Variants in TSC22D2 observed in about 807,000 individuals in gnomAD.
TSC22D2 encodes TSC22 domain family protein 2.
TSC22D2 carries 5 observed loss-of-function variants against 50.1 expected under a neutral mutation model. The observed-to-expected ratio is 0.10, with a 90% confidence interval of 0.05 to 0.21. TSC22D2 has a LOEUF of 0.21. Ranked by LOEUF, TSC22D2 falls within the 10% of genes least tolerant of loss-of-function variation. TSC22D2 has a pLI of 1.00. For missense variants in TSC22D2, 1,003 were observed against 1,015.5 expected (o/e 0.99, Z 0.17); for synonymous variants, 501 against 450.1 (o/e 1.11, Z -1.43).
intron 1 of TSC22D2, among the ~76,000 whole-genome samples, chr3:150,415,759 T>C (rs1007633758): frequency 6.6e-6 from 1 of 152,168 alleles, no homozygotes; most frequent in Non-Finnish European, 1.5e-5. Flanking sequence ...GAGGCTACAG[T>C]GAGCTATATT....
chr3:150,437,883 C>A (rs927374420), intron 1 of TSC22D2, among the ~76,000 whole-genome samples: 6 of 151,540 alleles, frequency 4.0e-5, no homozygotes, highest in African/African-American at 7.3e-5. Context: ...AACAATATAA[C>A]TCAAATGCCT....
Position 150,461,195 on chromosome 3 carries a change from A to G in TSC22D2, c.*2559A>G, listed in dbSNP as rs1190301617. 3 of 152,146 alleles carry G rather than the reference A, an allele frequency of 2.0e-5. No individual in the cohort carries two copies. The East Asian group carries it at 5.8e-4, about 29-fold the overall frequency. The allele number at this position is 152,146 out of a possible 1,614,324, so 9.4% of individuals were successfully genotyped here. ...GGAGAAGATACTCAACTCATGGTCC[A>G]TTGTTCAAAAATGCAGAATTATTGT... On this transcript the variant is annotated 3_prime_UTR_variant, in exon 3 of 3. Transcript: ENST00000688009.
intron 1 of TSC22D2, among the ~76,000 whole-genome samples, chr3:150,431,224 C>CAAAAAAAAAAAAAAAAAAAA (rs71138443): frequency 3.6e-5 from 1 of 27,962 alleles, no homozygotes; most frequent in African/African-American, 1.6e-4. Context: ...GGCTCTGTCT[C>CAAAAAAAAAAAAAAAAAAAA]AAAAAAAAAA....
At chr3:150,449,345 C>T (rs1720972522) in intron 1 of TSC22D2, among the ~76,000 whole-genome samples, 1 of 152,094 alleles carries the variant, frequency 6.6e-6, no homozygotes, top group Admixed American at 6.5e-5. Flanking sequence ...CATTGTTCTT[C>T]AAAATGTAGT....
At chr3:150,440,824 C>G (rs1720690574) in intron 1 of TSC22D2, among the ~76,000 whole-genome samples, 1 of 151,932 alleles carries the variant, frequency 6.6e-6, no homozygotes, top group Non-Finnish European at 1.5e-5. Context: ...AGCTCCACAT[C>G]TTATAACCTT....
At chr3:150,458,166 CTT>C (rs933441222) in intron 2 of TSC22D2, among the ~76,000 whole-genome samples, 1 of 151,590 alleles carries the variant, frequency 6.6e-6, no homozygotes, top group African/African-American at 2.4e-5. Flanking sequence ...TCGTCCCAAA[CTT>C]TGAAAAGAAA....
intron 2 of TSC22D2, among the ~76,000 whole-genome samples, 187 bp downstream of exon 2, chr3:150,457,314 GT>G (rs1721220493): frequency 6.6e-6 from 1 of 152,140 alleles, no homozygotes. Context: ...TACTATTTAA[GT>G]AGATATTTCT....
intron 1 of TSC22D2, among the ~76,000 whole-genome samples, chr3:150,426,109 C>T (rs1367272566): frequency 1.3e-5 from 2 of 152,194 alleles, no homozygotes; most frequent in African/African-American, 4.8e-5. Context: ...ATCAGCTGAA[C>T]CATCTTCAAA....
chr3:150,411,351 C>T, intron 1 of TSC22D2, 43 bp downstream of exon 1: 1 of 1,542,784 alleles, frequency 6.5e-7, no homozygotes, highest in Non-Finnish European at 8.8e-7. Flanking sequence ...AAATGCTTGG[C>T]CAACATTGTA....
In TSC22D2 at chr3:150,411,003, C is replaced by T; in HGVS notation, c.1653C>T (p.Ser551=). ...LSSHTPVSRS[S]SIIQHVGLPL... Reference sequence around the variant, plus strand: ...GCCATACGCCAGTCAGCAGGAGCAGCAGCATAATCCAGCATGTTGGGCTGC... The same window carrying T: ...GCCATACGCCAGTCAGCAGGAGCAGTAGCATAATCCAGCATGTTGGGCTGC... The change falls in exon 1 of 3, where the codon AGC becomes AGT. Residue 551 remains serine, a synonymous_variant. Coordinates refer to ENST00000688009, the MANE Select transcript of TSC22D2 (RefSeq NM_001303264.2). 6.2e-7 allele frequency: 1 copy of T among 1,614,216 alleles called. No homozygotes were observed. The highest frequency in any genetic ancestry group is 2.2e-5 in the East Asian group (1 of 44,882).
chr3:150,411,046 C>T lies in TSC22D2; in HGVS notation c.1696C>T (p.His566Tyr). Residue 566 changes from histidine to tyrosine, a missense_variant, in exon 1 of 3, where the codon CAC becomes TAC. By Grantham distance (83) the His-to-Tyr change is moderately conservative. Coordinates refer to ENST00000688009, the MANE Select transcript of TSC22D2 (RefSeq NM_001303264.2). ...TGGGCTGCCCTTAGCGCCAGGCACACACAGCGCACCAACAAGTCTACCACA... is the reference window on the plus strand; with the variant it reads ...TGGGCTGCCCTTAGCGCCAGGCACATACAGCGCACCAACAAGTCTACCACA... ...HVGLPLAPGT[H>Y]SAPTSLPQSD... is the part of the protein sequence containing the mutation. 1 of 1,614,210 alleles carries T rather than the reference C, an allele frequency of 6.2e-7. No individual in the cohort carries two copies. The highest frequency in any genetic ancestry group is 8.5e-7 in the Non-Finnish European group (1 of 1,180,038).
chr3:150,430,402 A>G (rs1720340698), intron 1 of TSC22D2, among the ~76,000 whole-genome samples: 1 of 152,186 alleles, frequency 6.6e-6, no homozygotes, highest in Admixed American at 6.6e-5. Context: ...GAATTAGGCA[A>G]TGGGGATGAG....
intron 1 of TSC22D2, among the ~76,000 whole-genome samples, chr3:150,445,542 A>T (rs4681207): frequency 6.6e-6 from 1 of 152,014 alleles, no homozygotes; most frequent in Admixed American, 6.6e-5. Context: ...ATTTTTATTC[A>T]TGTTTCACTG....
chr3:150,451,073 T>C (rs1358654986), intron 1 of TSC22D2, among the ~76,000 whole-genome samples: 1 of 152,016 alleles, frequency 6.6e-6, no homozygotes, highest in African/African-American at 2.4e-5. Context: ...GGCAAGGGGG[T>C]GTGAGCATGA....
rs780198396 is a variant in TSC22D2 at position 150,410,945 on chromosome 3, C to T, written c.1595C>T (p.Pro532Leu). 3 of 1,614,076 alleles carry T rather than the reference C, an allele frequency of 1.9e-6. No homozygotes were observed. Among genetic ancestry groups the T allele is most frequent in the African/African-American group, 2.7e-5 (2 of 74,942 alleles). The part of the protein sequence containing the change: ...STTSVTMPNV[P>L]APLAQSQQLS... Reference sequence around the variant, plus strand: ...ACTTCTGTTACTATGCCAAATGTACCCGCGCCTCTGGCCCAGTCGCAACAG... The same window carrying T: ...ACTTCTGTTACTATGCCAAATGTACTCGCGCCTCTGGCCCAGTCGCAACAG... The change falls in exon 1 of 3, where the codon CCC (proline) becomes CTC (leucine). Residue 532 changes from proline to leucine, a missense_variant. Transcript: ENST00000688009.
chr3:150,463,370 A>G lies in TSC22D2; in HGVS notation c.*4734A>G, dbSNP rs1721470108. 1 of 152,218 alleles carries G rather than the reference A, an allele frequency of 6.6e-6. No homozygotes were observed. Among genetic ancestry groups the G allele is most frequent in the Admixed American group, 6.5e-5 (1 of 15,280 alleles). 9.4% of individuals were successfully genotyped at this position (152,218 alleles called of 1,614,324 possible). A position where few individuals can be genotyped will look rare whatever the true frequency, so the allele number is the denominator to read the frequency against. Reference sequence around the variant, plus strand: ...TTTCTAAGTCTCCTGCCTATCCAAAACCAGACCTTTTCTCCCACCTCCTTC... The same window carrying G: ...TTTCTAAGTCTCCTGCCTATCCAAAGCCAGACCTTTTCTCCCACCTCCTTC... On this transcript the variant is annotated 3_prime_UTR_variant, in exon 3 of 3. Transcript: ENST00000688009.
In TSC22D2 at chr3:150,465,280, T is replaced by A. The variant is rs759954932; in HGVS notation, c.*6644T>A. On this transcript the variant is annotated 3_prime_UTR_variant, in exon 3 of 3. Transcript: ENST00000688009. ...GCTATATACCCTGTCCATTTGAAAATGCACATAAGCAAAGAACTTTACAAA... is the reference window on the plus strand; with the variant it reads ...GCTATATACCCTGTCCATTTGAAAAAGCACATAAGCAAAGAACTTTACAAA... The A allele has an allele frequency of 1.3e-5, 2 of 152,150 alleles. No individual in the cohort carries two copies. Among genetic ancestry groups the A allele is most frequent in the African/African-American group, 4.8e-5 (2 of 41,402 alleles). 9.4% of individuals were successfully genotyped at this position (152,150 alleles called of 1,614,324 possible).
chr3:150,439,114 C>G lies in TSC22D2; in HGVS notation c.1959-17962C>G, dbSNP rs1020919967. On this transcript the variant is annotated intron_variant, in intron 1 of 2. Transcript: ENST00000688009. ...TATTTTGCAGATGAAGAAAAGGAGTCTGGATTATTTGTCCAAGGTGATATA... is the reference window on the plus strand; with the variant it reads ...TATTTTGCAGATGAAGAAAAGGAGTGTGGATTATTTGTCCAAGGTGATATA... Among the ~76,000 whole-genome samples the G allele has an allele frequency of 2.0e-5, 3 of 152,056 alleles. No individual in the cohort carries two copies. In the East Asian group the frequency reaches 5.8e-4, roughly 29 times the overall value.
intron 1 of TSC22D2, among the ~76,000 whole-genome samples, chr3:150,452,154 T>A (rs895049994): frequency 3.9e-5 from 6 of 152,144 alleles, no homozygotes; most frequent in African/African-American, 1.4e-4. Flanking sequence ...TTTTTAAAAA[T>A]AGAGATCAAG....
Sources: gnomAD v4.1 joint callset for allele counts (sites outside exome capture counted in the v4.1 genomes callset) on GRCh38, gnomAD v4.1.1 for gene constraint, MANE v1.5 for transcripts, NCBI Gene and HGNC (gene_info 2026-07-23, HGNC 2026-07-21) for gene names.